Variants in TIAM1 observed in about 807,000 individuals in gnomAD.
TIAM1 encodes the protein TIAM Rac1 associated GEF 1.
Under a neutral mutation model 163.5 loss-of-function variants are expected in TIAM1, and 65 were observed. That is an observed-to-expected ratio of 0.40 (90% CI 0.33 to 0.49). TIAM1 has a LOEUF of 0.49. TIAM1 is among the 20% of genes least tolerant of loss of function. The probability of loss-of-function intolerance (pLI) is 0.77; values close to 1 mark genes in which losing one functional copy is unlikely to be tolerated. For synonymous variants in TIAM1, 833 were observed against 810.1 expected (o/e 1.03, Z -0.48); for missense variants, 1,789 against 2,044.7 (o/e 0.87, Z 2.41).
chr21:31,363,013 T>C (rs1405348646), intron 2 of TIAM1, among the ~76,000 whole-genome samples: 1 of 152,174 alleles, frequency 6.6e-6, no homozygotes, highest in African/African-American at 2.4e-5. Flanking sequence ...TCCACCATCC[T>C]TAACCACAAG....
intron 2 of TIAM1, among the ~76,000 whole-genome samples, chr21:31,278,644 C>G (rs986341067): frequency 6.6e-5 from 10 of 152,192 alleles, no homozygotes; most frequent in African/African-American, 2.4e-4. Flanking sequence ...CAGAATGGAA[C>G]AATAAGCAAA....
Position 31,141,428 on chromosome 21 carries a change from C to T in TIAM1, c.3552G>A (p.Ser1184=), listed in dbSNP as rs745941324. The change falls in exon 21 of 28, where the codon TCG becomes TCA. Residue 1184 remains serine, a synonymous_variant. Transcript: ENST00000541036. This position sits in a 1 kb window ranked among gnomAD's most constrained non-coding sequence, Gnocchi z 4.7. ...PKQQHSSTLE[S]YLIKPIQRIL... ...TCCTCTGGATGGGCTTGATGAGGTA[C>T]GACTCCAGCGTGGATGAGTGCTGCT... is the stretch of plus-strand genomic sequence containing the variant. The T allele has an allele frequency of 3.3e-5, 53 of 1,614,072 alleles. No individual in the cohort carries two copies. Among genetic ancestry groups the T allele is most frequent in the South Asian group, 5.5e-5 (5 of 91,080 alleles).
At chr21:31,459,523 A>C (rs996022963) in intron 2 of TIAM1, among the ~76,000 whole-genome samples, 10 of 152,220 alleles carry the variant, frequency 6.6e-5, no homozygotes, top group Non-Finnish European at 1.3e-4. Flanking sequence ...CACTCCTAAA[A>C]GCTATTTCAA....
intron 2 of TIAM1, among the ~76,000 whole-genome samples, chr21:31,424,751 C>T (rs567650228): frequency 6.6e-6 from 1 of 152,306 alleles, no homozygotes; most frequent in South Asian, 2.1e-4. Flanking sequence ...GAACTGTACA[C>T]ATCAAAAGTG....
chr21:31,359,844 GGAAGGAAGGAAGGAAGGA>G (rs2076378092), intron 2 of TIAM1, among the ~76,000 whole-genome samples: 23 of 142,132 alleles, frequency 1.6e-4, no homozygotes, highest in African/African-American at 5.8e-4. Context: ...AAGGAAGGAA[GGAAGGAAGGAAGGAAGGA>G]AGGGAGGGAG....
chr21:31,376,235 G>A (rs1235203750), intron 2 of TIAM1, among the ~76,000 whole-genome samples: 3 of 151,882 alleles, frequency 2.0e-5, no homozygotes, highest in South Asian at 2.1e-4. Context: ...ATTCACACAC[G>A]CATGTACACA....
At chr21:31,527,628 A>G (rs906584229) in intron 1 of TIAM1, among the ~76,000 whole-genome samples, 5 of 152,066 alleles carry the variant, frequency 3.3e-5, no homozygotes, top group Non-Finnish European at 5.9e-5. Flanking sequence ...TTGGGTGTTA[A>G]GACATTCCCA....
chr21:31,199,933 AAAAT>A (rs1336903057), intron 12 of TIAM1, among the ~76,000 whole-genome samples: 1 of 151,764 alleles, frequency 6.6e-6, no homozygotes. Flanking sequence ...AAACACACAA[AAAAT>A]AAATAAAATA....
At chr21:31,145,935 G>A (rs2083086400) in intron 20 of TIAM1, among the ~76,000 whole-genome samples, 2 of 152,222 alleles carry the variant, frequency 1.3e-5, no homozygotes, top group South Asian at 2.1e-4. Flanking sequence ...GCTGTACATC[G>A]TGTCACTTAA....
rs529682100 is a variant in TIAM1, at chr21:31,121,188, C to T, written c.4307-351G>A. 2.0e-5 allele frequency among the ~76,000 whole-genome samples: 3 copies of T among 152,210 alleles called. No individual in the cohort carries two copies. The South Asian group carries it at 6.2e-4, about 32-fold the overall frequency. On this transcript the variant is annotated intron_variant, in intron 27 of 27. Coordinates refer to ENST00000541036, the MANE Select transcript of TIAM1 (RefSeq NM_001353694.2). ...ATGGGTAACACAGACAGCAGCTGCT[C>T]TCAAGTAGACAGACCACTGATTTGG...
At chr21:31,220,629 A>G (rs531770145) in intron 8 of TIAM1, among the ~76,000 whole-genome samples, 7 of 152,368 alleles carry the variant, frequency 4.6e-5, no homozygotes, top group African/African-American at 1.7e-4. Flanking sequence ...TCTGTTTAAC[A>G]AACACTTTAC....
intron 22 of TIAM1, 24 bp from the exon 23 acceptor site, chr21:31,136,065 G>C: frequency 6.3e-7 from 1 of 1,592,894 alleles, no homozygotes; most frequent in South Asian, 1.1e-5. Flanking sequence ...ACGTGACAAA[G>C]CTTACTGGGT....
At chr21:31,351,014 T>C (rs2076225199) in intron 2 of TIAM1, among the ~76,000 whole-genome samples, 1 of 152,236 alleles carries the variant, frequency 6.6e-6, no homozygotes, top group East Asian at 1.9e-4. Flanking sequence ...CCACTTGTCT[T>C]GTGTTCCCTT....
At chr21:31,459,555 TG>T (rs1311828966) in intron 2 of TIAM1, among the ~76,000 whole-genome samples, 3 of 152,182 alleles carry the variant, frequency 2.0e-5, no homozygotes, top group Non-Finnish European at 4.4e-5. Flanking sequence ...AGGCCCCAGA[TG>T]TTTAATTATT....
At chr21:31,290,159 C>A (rs954746651) in intron 2 of TIAM1, among the ~76,000 whole-genome samples, 5 of 152,028 alleles carry the variant, frequency 3.3e-5, no homozygotes, top group Admixed American at 6.6e-5. Flanking sequence ...TTTATTTGAA[C>A]CAACAGAAAT....
intron 2 of TIAM1, among the ~76,000 whole-genome samples, chr21:31,382,557 A>T (rs1468371660): frequency 6.6e-6 from 1 of 152,214 alleles, no homozygotes; most frequent in Non-Finnish European, 1.5e-5. Flanking sequence ...TTTTTTTCCG[A>T]AAGACTGACT....
intron 6 of TIAM1, among the ~76,000 whole-genome samples, chr21:31,242,875 AAAAAG>A (rs1291973713): frequency 2.7e-5 from 4 of 149,782 alleles, no homozygotes; most frequent in Non-Finnish European, 5.9e-5. Context: ...AAAAAAAAAA[AAAAAG>A]AAAAAAGAAA....
chr21:31,468,910 C>A (rs1301233892), intron 1 of TIAM1, among the ~76,000 whole-genome samples: 2 of 151,918 alleles, frequency 1.3e-5, no homozygotes, highest in African/African-American at 4.8e-5. Flanking sequence ...GGAGGCACCA[C>A]GGGCAGGGAT....
intron 6 of TIAM1, among the ~76,000 whole-genome samples, chr21:31,228,220 T>A (rs868083109): frequency 0.12 from 1,951 of 16,230 alleles, 41 homozygotes; most frequent in Non-Finnish European, 0.14. Flanking sequence ...CTCCTTTTTT[T>A]AAAAAAAAAA....
Sources: allele counts gnomAD v4.1 joint callset (sites outside exome capture counted in the v4.1 genomes callset), GRCh38; gene constraint gnomAD v4.1.1; non-coding constraint Gnocchi (gnomAD v3.1); transcripts MANE v1.5; gene names NCBI Gene and HGNC (gene_info 2026-07-23, HGNC 2026-07-21).